Variants in SUPT20H observed in about 807,000 individuals in gnomAD.
The protein encoded by SUPT20H is transcription factor SPT20 homolog.
Under a neutral mutation model 122.8 loss-of-function variants are expected in SUPT20H, and 82 were observed. The ratio of observed to expected loss-of-function variants is 0.67; its 90% CI spans 0.56 to 0.80. SUPT20H has a LOEUF of 0.80. Among genes scored for constraint, SUPT20H ranks in the 30% least tolerant of loss-of-function variants. SUPT20H has a pLI of 0.00. For synonymous variants in SUPT20H, 291 were observed against 313.0 expected (o/e 0.93, Z 0.74); for missense variants, 831 against 921.6 (o/e 0.90, Z 1.27).
chr13:37,027,214 T>G (rs967601734), intron 14 of SUPT20H, among the ~76,000 whole-genome samples: 1 of 151,662 alleles, frequency 6.6e-6, no homozygotes, highest in Non-Finnish European at 1.5e-5. Flanking sequence ...GTAACAAACC[T>G]GCACACATAC....
At chr13:37,047,805 C>A (rs756689292) in intron 4 of SUPT20H, 73 bp downstream of exon 4, 9 of 1,438,824 alleles carry the variant, frequency 6.3e-6, no homozygotes, top group African/African-American at 1.5e-5. Flanking sequence ...TCAGTCCCTA[C>A]GAGGAATGCA....
intron 9 of SUPT20H, among the ~76,000 whole-genome samples, chr13:37,034,240 C>T (rs1054811275): frequency 6.6e-6 from 1 of 152,188 alleles, no homozygotes; most frequent in African/African-American, 2.4e-5. Flanking sequence ...GGCCTATAAA[C>T]AGCTACAACA....
Position 37,009,522 on chromosome 13 carries a change from T to A in SUPT20H, c.*150A>T. ...GTTAAACCATTTCCCTGTTTTTATTTAAAAATGATAAGGTTGTGCTTCTGT... is the reference window on the plus strand; with the variant it reads ...GTTAAACCATTTCCCTGTTTTTATTAAAAAATGATAAGGTTGTGCTTCTGT... On this transcript the variant is annotated 3_prime_UTR_variant, in exon 26 of 26. Transcript: ENST00000350612. 3 of 1,033,022 alleles carry A rather than the reference T, an allele frequency of 2.9e-6. No homozygotes were observed. The highest frequency in any genetic ancestry group is 4.3e-6 in the Non-Finnish European group (3 of 693,426). 64.0% of individuals were successfully genotyped at this position (1,033,022 alleles called of 1,614,324 possible). A position where few individuals can be genotyped will look rare whatever the true frequency, so the allele number is the denominator to read the frequency against.
Position 37,051,568 on chromosome 13 carries a change from C to A in SUPT20H, c.-78G>T. On this transcript the variant is annotated 5_prime_UTR_variant, in exon 2 of 26. It removes an upstream start codon present in the reference 5' UTR. Coordinates refer to ENST00000350612, the MANE Select transcript of SUPT20H (RefSeq NM_001014286.3). ...AGTGGGGTGAACACCATGCCTTTAA[C>A]ATCAATCTTACAGTACTGAAAAGCA... is the stretch of plus-strand genomic sequence containing the variant. 1 of 1,385,162 alleles carries A rather than the reference C, an allele frequency of 7.2e-7. No individual in the cohort carries two copies. The highest frequency in any genetic ancestry group is 1.0e-6 in the Non-Finnish European group (1 of 985,104). 85.8% of individuals were successfully genotyped at this position (1,385,162 alleles called of 1,614,324 possible). A position where few individuals can be genotyped will look rare whatever the true frequency, so the allele number is the denominator to read the frequency against.
intron 13 of SUPT20H, among the ~76,000 whole-genome samples, chr13:37,029,326 C>T (rs1335573314): frequency 1.3e-5 from 2 of 152,164 alleles, no homozygotes; most frequent in Non-Finnish European, 1.5e-5. Flanking sequence ...ATCGGGAGTT[C>T]GAGACCAGCC....
Position 37,044,539 on chromosome 13 carries a change from T to G in SUPT20H, c.293-358A>C, listed in dbSNP as rs977276496. Among the ~76,000 whole-genome samples the G allele has an allele frequency of 8.5e-5, 13 of 152,156 alleles. 1 individual carries two copies. Among genetic ancestry groups the G allele is most frequent in the Non-Finnish European group, 1.9e-4 (13 of 68,016 alleles). On this transcript the variant is annotated intron_variant, in intron 6 of 25. Coordinates refer to ENST00000350612, the MANE Select transcript of SUPT20H (RefSeq NM_001014286.3). ...ATCAGAGGGACAATTTGGTGCCTTATCTGAAAAGTGGTCACTTTTAGAACA... is the reference window on the plus strand; with the variant it reads ...ATCAGAGGGACAATTTGGTGCCTTAGCTGAAAAGTGGTCACTTTTAGAACA...
At chr13:37,051,456 C>T (rs2067669381) in intron 2 of SUPT20H, 32 bp downstream of exon 2, 8 of 1,598,280 alleles carry the variant, frequency 5.0e-6, no homozygotes, top group African/African-American at 1.3e-5. Context: ...CATTCTAAAA[C>T]ACAAATTTGA....
chr13:37,041,145 T>TAA (rs2065392797), intron 7 of SUPT20H, among the ~76,000 whole-genome samples: 1 of 152,228 alleles, frequency 6.6e-6, no homozygotes. Flanking sequence ...CTATATTTGC[T>TAA]CTGCTAAAAT....
In SUPT20H at chr13:37,047,913, C is replaced by G. The variant is rs2139027629; in HGVS notation, c.63G>C (p.Gln21His). The change falls in exon 4 of 26, where the codon CAG (glutamine) becomes CAC (histidine). Residue 21 changes from glutamine (Q) to histidine (H), a missense_variant. By Grantham distance (24) the Gln-to-His change is conservative (BLOSUM62 0). Coordinates refer to ENST00000350612, the MANE Select transcript of SUPT20H (RefSeq NM_001014286.3). ...RAEYVIESAR[Q>H]RPPKRKYLSS... ...ATAGGTATTTCCTTTTAGGAGGTCT[C>G]TGTCGGGCACTTTCAATGACATACT... 1 of 1,605,386 alleles carries G rather than the reference C, an allele frequency of 6.2e-7. No homozygotes were observed. Among genetic ancestry groups the G allele is most frequent in the East Asian group, 2.2e-5 (1 of 44,632 alleles).
intron 24 of SUPT20H, chr13:37,010,864 AAG>A (rs2059489359): frequency 4.4e-6 from 2 of 458,008 alleles, no homozygotes; most frequent in African/African-American, 3.9e-5. Context: ...TGGACACAAA[AAG>A]AGAAGGGAGT....
chr13:37,019,424 C>A (rs748680717), intron 21 of SUPT20H, 27 bp from the exon 22 acceptor site: 30 of 1,535,036 alleles, frequency 2.0e-5, no homozygotes, highest in Non-Finnish European at 2.4e-5. Context: ...ATGGTTATAA[C>A]AGAATTGAAA....
At chr13:37,010,860 CAAAA>C (rs545637251) in intron 24 of SUPT20H, 6 of 464,656 alleles carry the variant, frequency 1.3e-5, no homozygotes, top group African/African-American at 5.8e-5. Context: ...TTTCTGGACA[CAAAA>C]AGAGAAGGGA....
At chr13:37,046,684 G>A (rs11617977) in intron 5 of SUPT20H, among the ~76,000 whole-genome samples, 11 of 152,060 alleles carry the variant, frequency 7.2e-5, no homozygotes, top group Non-Finnish European at 1.6e-4. Context: ...TGATGAATAT[G>A]TACATTCTAT....
At chr13:37,051,709 G>A (rs1397711603) in intron 1 of SUPT20H, 126 bp from the exon 2 acceptor site, 1 of 432,328 alleles carries the variant, frequency 2.3e-6, no homozygotes, top group Non-Finnish European at 4.2e-6. Flanking sequence ...ATATTTTTAA[G>A]ACACTTTTTA....
At chr13:37,012,331 AAAG>A in intron 23 of SUPT20H, 34 bp from the exon 24 acceptor site, 1 of 1,552,846 alleles carries the variant, frequency 6.4e-7, no homozygotes, top group African/African-American at 1.4e-5. Context: ...CTTGTACAAG[AAAG>A]AAAAACAAAT....
intron 2 of SUPT20H, among the ~76,000 whole-genome samples, chr13:37,051,185 ATTT>A (rs1333460972): frequency 2.6e-5 from 4 of 152,214 alleles, no homozygotes; most frequent in Non-Finnish European, 4.4e-5. Context: ...AACTATTTGT[ATTT>A]ATACCCATCC....
At chr13:37,055,576 G>A (rs987583304) in intron 1 of SUPT20H, among the ~76,000 whole-genome samples, 3 of 152,182 alleles carry the variant, frequency 2.0e-5, no homozygotes, top group Non-Finnish European at 4.4e-5. Context: ...GTAGAAAGCT[G>A]AAACTGGATC....
intron 22 of SUPT20H, among the ~76,000 whole-genome samples, chr13:37,018,340 CTAAATAAACAAA>C (rs1208985435): frequency 1.2e-4 from 18 of 152,254 alleles, no homozygotes; most frequent in African/African-American, 4.1e-4. Flanking sequence ...GGAAGGTAGG[CTAAATAAACAAA>C]TGCAATTTGT....
chr13:37,020,384 G>A (rs538935694), intron 21 of SUPT20H, among the ~76,000 whole-genome samples: 8 of 151,996 alleles, frequency 5.3e-5, no homozygotes, highest in Non-Finnish European at 1.2e-4. Flanking sequence ...CTTACCAAAG[G>A]CACTTTCATA....
Sources: allele counts gnomAD v4.1 joint callset (sites outside exome capture counted in the v4.1 genomes callset), GRCh38; gene constraint gnomAD v4.1.1; transcripts MANE v1.5; gene names NCBI Gene and HGNC (gene_info 2026-07-23, HGNC 2026-07-21).